The following KAZN variants were observed in gnomAD, a reference collection of about 807,000 sequenced individuals.
The protein encoded by KAZN is kazrin.
A neutral mutation model predicts 87.4 loss-of-function variants in KAZN; 40 were observed. The ratio of observed to expected loss-of-function variants is 0.46; its 90% CI spans 0.36 to 0.60. The LOEUF (loss-of-function observed/expected upper bound fraction) is 0.60, where lower values mean the gene tolerates loss of function less well. KAZN is among the 20% of genes least tolerant of loss of function. The pLI, the probability that KAZN is intolerant of heterozygous loss-of-function variation, is 0.00. For synonymous variants in KAZN, 466 were observed against 458.3 expected, an observed-to-expected ratio of 1.02 and a Z score of -0.22; for missense variants, 898 against 1,073.9, an observed-to-expected ratio of 0.84 and a Z score of 2.29.
chr1:14,481,756 T>C (rs61771913), intron 2 of KAZN, among the ~76,000 whole-genome samples: 10,685 of 151,092 alleles, frequency 0.071, 554 homozygotes, highest in Middle Eastern at 0.15. Flanking sequence ...AGAGAGATTG[T>C]GGAGAGGTGG....
intron 2 of KAZN, among the ~76,000 whole-genome samples, chr1:14,461,251 C>A (rs2480047): frequency 0.04 from 6,150 of 152,172 alleles, 220 homozygotes; most frequent in African/African-American, 0.095. Flanking sequence ...TATCCCCACC[C>A]AAATCTCATC....
At chr1:14,884,088 C>A (rs999075541) in intron 1 of KAZN, among the ~76,000 whole-genome samples, 1 of 152,096 alleles carries the variant, frequency 6.6e-6, no homozygotes, top group African/African-American at 2.4e-5. Context: ...TCTAGGGTCT[C>A]ACAGCCTATA....
intron 1 of KAZN, among the ~76,000 whole-genome samples, chr1:14,813,530 G>T (rs1646475326): frequency 6.6e-6 from 1 of 152,178 alleles, no homozygotes; most frequent in Non-Finnish European, 1.5e-5. Context: ...GTTCCCATTT[G>T]CGACCCCTCG....
At chr1:14,508,478 G>A (rs984219728) in intron 2 of KAZN, among the ~76,000 whole-genome samples, 10 of 152,180 alleles carry the variant, frequency 6.6e-5, no homozygotes, top group African/African-American at 2.4e-4. Context: ...AACTACGGAT[G>A]AATTTTAAGA....
At chr1:14,742,606 G>A (rs1340600179) in intron 1 of KAZN, among the ~76,000 whole-genome samples, 3 of 152,194 alleles carry the variant, frequency 2.0e-5, no homozygotes, top group Non-Finnish European at 4.4e-5. Flanking sequence ...CTCTCCCTGT[G>A]CTTTTTCTCG....
At chr1:14,177,587 T>C (rs1646107201) in intron 1 of KAZN, among the ~76,000 whole-genome samples, 1 of 151,690 alleles carries the variant, frequency 6.6e-6, no homozygotes, top group Non-Finnish European at 1.5e-5. Flanking sequence ...GAAATGTCAA[T>C]TTTTTTTTAT....
rs989134750 is a variant in KAZN at position 14,856,532 on chromosome 1, C to A, written c.227-104152C>A. ...GTTCCCCAGGAAGGTCACATAAATG[C>A]TCATTAATATGAACACTATGTTCAT... On this transcript the variant is annotated intron_variant, in intron 1 of 14. Transcript: ENST00000376030. This position sits in a 1 kb window ranked among gnomAD's most constrained non-coding sequence, Gnocchi z 5.2. Among the ~76,000 whole-genome samples, 1 of 152,168 alleles carries A rather than the reference C, an allele frequency of 6.6e-6. No homozygotes were observed. The highest frequency in any genetic ancestry group is 1.5e-5 in the Non-Finnish European group (1 of 68,024).
intron 13 of KAZN, among the ~76,000 whole-genome samples, chr1:15,109,440 T>C (rs1641410852): frequency 6.6e-6 from 1 of 152,062 alleles, no homozygotes; most frequent in African/African-American, 2.4e-5. Context: ...CCCAGTAAGG[T>C]GTTTTACTCG....
chr1:14,867,569 C>T (rs560562455), intron 1 of KAZN, among the ~76,000 whole-genome samples: 3 of 152,118 alleles, frequency 2.0e-5, no homozygotes, highest in Non-Finnish European at 2.9e-5. Flanking sequence ...CTCGCAAGGA[C>T]GCCGAGAGGA....
chr1:14,503,096 G>T (rs1005894063), intron 2 of KAZN, among the ~76,000 whole-genome samples: 10 of 152,032 alleles, frequency 6.6e-5, no homozygotes, highest in African/African-American at 2.2e-4. Context: ...CACATTTCTG[G>T]CTCCTGCACC....
chr1:14,696,267 A>G (rs1166253094), intron 1 of KAZN, among the ~76,000 whole-genome samples: 1 of 152,162 alleles, frequency 6.6e-6, no homozygotes, highest in Non-Finnish European at 1.5e-5. Context: ...GCTCATAGTC[A>G]CAAACAGGGA....
intron 2 of KAZN, among the ~76,000 whole-genome samples, chr1:14,366,052 T>C (rs1040945572): frequency 1.4e-4 from 21 of 152,234 alleles, no homozygotes; most frequent in Admixed American, 1.3e-3. Flanking sequence ...GGTGACATAA[T>C]AAAAAGGAAA....
intron 1 of KAZN, among the ~76,000 whole-genome samples, chr1:14,948,768 C>A (rs969051476): frequency 6.6e-6 from 1 of 152,024 alleles, no homozygotes; most frequent in African/African-American, 2.4e-5. Flanking sequence ...TTCCTTGTAC[C>A]AATAGGATGG....
chr1:14,900,932 G>A (rs1308530599), intron 1 of KAZN, among the ~76,000 whole-genome samples: 1 of 152,134 alleles, frequency 6.6e-6, no homozygotes, highest in Non-Finnish European at 1.5e-5. Context: ...TGGGTATGTT[G>A]CATAAACTCT....
intron 1 of KAZN, among the ~76,000 whole-genome samples, chr1:14,802,964 C>A (rs551387322): frequency 6.6e-6 from 1 of 152,306 alleles, no homozygotes; most frequent in South Asian, 2.1e-4. Context: ...CTCTCCGAGC[C>A]TGATTCCTTC....
chr1:14,153,764 G>A (rs902874962), intron 1 of KAZN, among the ~76,000 whole-genome samples: 11 of 119,736 alleles, frequency 9.2e-5, no homozygotes, highest in African/African-American at 3.0e-4. Context: ...GGCAATAAGA[G>A]CAAAACTCTG....
At chr1:14,781,334 A>G (rs1472173679) in intron 1 of KAZN, among the ~76,000 whole-genome samples, 1 of 152,234 alleles carries the variant, frequency 6.6e-6, no homozygotes, top group Non-Finnish European at 1.5e-5. Flanking sequence ...GAAAAAAAAC[A>G]AAAAACAAAA....
chr1:14,578,493 A>G (rs777489136), intron 2 of KAZN, among the ~76,000 whole-genome samples: 3 of 152,184 alleles, frequency 2.0e-5, no homozygotes, highest in African/African-American at 7.2e-5. Flanking sequence ...AGAAAAATTT[A>G]CATAAACCCT....
At chr1:14,943,617 A>G (rs1017319386) in intron 1 of KAZN, among the ~76,000 whole-genome samples, 4 of 152,232 alleles carry the variant, frequency 2.6e-5, no homozygotes, top group Admixed American at 2.6e-4. Context: ...CCCTACAGCA[A>G]TCACTCCCAT....
Sources: gnomAD v4.1 joint callset for allele counts (sites outside exome capture counted in the v4.1 genomes callset) on GRCh38, gnomAD v4.1.1 for gene constraint, Gnocchi (gnomAD v3.1) non-coding constraint, MANE v1.5 for transcripts, NCBI Gene and HGNC (gene_info 2026-07-23, HGNC 2026-07-21) for gene names.